The following SPATS2 variants were observed in gnomAD, a reference collection of about 807,000 sequenced individuals.
SPATS2 encodes spermatogenesis associated serine rich 2.
SPATS2 carries 38 observed loss-of-function variants against 63.7 expected under a neutral mutation model. The ratio of observed to expected loss-of-function variants is 0.60; its 90% confidence interval spans 0.46 to 0.78. The LOEUF is 0.78. Ranked by LOEUF, SPATS2 falls within the 30% of genes least tolerant of loss-of-function variation. The pLI, the probability that SPATS2 is intolerant of heterozygous loss-of-function variation, is 0.00. For missense variants in SPATS2, 588 were observed against 666.2 expected, an observed-to-expected ratio of 0.88 and a Z score of 1.29; for synonymous variants, 207 against 232.9, an observed-to-expected ratio of 0.89 and a Z score of 1.01.
intron 2 of SPATS2, among the ~76,000 whole-genome samples, chr12:49,420,539 A>C (rs932610511): frequency 3.3e-5 from 5 of 152,322 alleles, no homozygotes; most frequent in Admixed American, 6.5e-5. Context: ...GGTTGCAGTG[A>C]GCCACTGCAC....
At chr12:49,440,830 C>G (rs1486293632) in intron 2 of SPATS2, among the ~76,000 whole-genome samples, 1 of 152,056 alleles carries the variant, frequency 6.6e-6, no homozygotes, top group African/African-American at 2.4e-5. Flanking sequence ...TTGGTGTTTC[C>G]TTATGATTAG....
At chr12:49,498,732 C>T (rs568553759) in intron 8 of SPATS2, among the ~76,000 whole-genome samples, 2 of 147,896 alleles carry the variant, frequency 1.4e-5, no homozygotes, top group East Asian at 3.9e-4. Flanking sequence ...AAGATATCTT[C>T]CATATCTCTT....
Position 49,484,180 on chromosome 12 carries a change from A to C in SPATS2, c.26-410A>C, listed in dbSNP as rs377520695. Among the ~76,000 whole-genome samples the C allele has an allele frequency of 4.7e-4, 72 of 152,338 alleles. No homozygotes were observed. In the South Asian group the frequency reaches 0.012, roughly 26 times the overall value. On this transcript the variant is annotated intron_variant, in intron 3 of 13. Coordinates refer to ENST00000552918, the MANE Select transcript of SPATS2 (RefSeq NM_023071.4). ...CATAACATGTATGGTTCTGGCTAGA[A>C]GAGGAAATAACTGTGTGTTGTTAAT...
chr12:49,378,175 G>A (rs921075515), intron 2 of SPATS2, among the ~76,000 whole-genome samples: 3 of 152,056 alleles, frequency 2.0e-5, no homozygotes, highest in Non-Finnish European at 4.4e-5. Flanking sequence ...GTTTCACCAT[G>A]TTGGCCAGGC....
Position 49,500,212 on chromosome 12 carries a change from T to G in SPATS2, c.839+7T>G. ...TTGCTGAATTGGAGAGCTGGTAATTTAAGCTGCATTTGATATCAGTAGCAT... is the reference window on the plus strand; with the variant it reads ...TTGCTGAATTGGAGAGCTGGTAATTGAAGCTGCATTTGATATCAGTAGCAT... On this transcript the variant is annotated splice_region_variant and intron_variant, in intron 9 of 13. Transcript: ENST00000552918. The G allele has an allele frequency of 6.3e-7, 1 of 1,589,384 alleles. No individual in the cohort carries two copies. Among genetic ancestry groups the G allele is most frequent in the Non-Finnish European group, 8.5e-7 (1 of 1,173,562 alleles).
intron 11 of SPATS2, among the ~76,000 whole-genome samples, chr12:49,522,077 T>C (rs1234850978): frequency 6.6e-6 from 1 of 151,954 alleles, no homozygotes; most frequent in African/African-American, 2.4e-5. Flanking sequence ...TTTAATGAAA[T>C]AGACCCCCAG....
intron 11 of SPATS2, among the ~76,000 whole-genome samples, chr12:49,522,096 T>C (rs531079357): frequency 2.0e-4 from 30 of 152,334 alleles, no homozygotes; most frequent in Admixed American, 5.9e-4. Context: ...AGAAGCACTT[T>C]ATTCCTGACA....
In SPATS2 at chr12:49,420,067, A is replaced by G. The variant is rs114007053; in HGVS notation, c.-243-40703A>G. 3.1e-3 allele frequency among the ~76,000 whole-genome samples: 476 copies of G among 152,328 alleles called. 4 individuals carry two copies. The highest frequency in any genetic ancestry group is 0.011 in the African/African-American group (459 of 41,570). ...TTGTGGGCTCTTTGATGAATGACCA[A>G]CTTCAACAATGGCTATGCTTCTTAG... is the stretch of plus-strand genomic sequence containing the variant. On this transcript the variant is annotated intron_variant, in intron 2 of 13. Coordinates refer to ENST00000552918, the MANE Select transcript of SPATS2 (RefSeq NM_023071.4).
intron 2 of SPATS2, among the ~76,000 whole-genome samples, chr12:49,435,932 C>T (rs1266934417): frequency 6.6e-6 from 1 of 150,418 alleles, no homozygotes; most frequent in African/African-American, 2.5e-5. Flanking sequence ...GGACACAGCA[C>T]ATGTTTCAGA....
At chr12:49,519,340 CA>C (rs1946900206) in intron 11 of SPATS2, among the ~76,000 whole-genome samples, 158 bp downstream of exon 11, 1 of 152,262 alleles carries the variant, frequency 6.6e-6, no homozygotes, top group Admixed American at 6.5e-5. Context: ...GTGGTATTAT[CA>C]TCTACCCAGT....
At chr12:49,378,498 C>G (rs1056709717) in intron 2 of SPATS2, among the ~76,000 whole-genome samples, 2 of 151,736 alleles carry the variant, frequency 1.3e-5, no homozygotes, top group African/African-American at 4.8e-5. Flanking sequence ...CGGGTTTCAC[C>G]GTTTTAGTCA....
chr12:49,392,453 T>C (rs1391795027), intron 2 of SPATS2, among the ~76,000 whole-genome samples: 2 of 152,226 alleles, frequency 1.3e-5, no homozygotes, highest in Non-Finnish European at 2.9e-5. Context: ...GGTTGGTGGC[T>C]CACACCTGTA....
chr12:49,392,471 C>T (rs892922206), intron 2 of SPATS2, among the ~76,000 whole-genome samples: 3 of 152,148 alleles, frequency 2.0e-5, no homozygotes, highest in African/African-American at 7.2e-5. Flanking sequence ...GTAGTCCCAG[C>T]AGTTTGGGAG....
chr12:49,378,971 G>T (rs1450114312), intron 2 of SPATS2, among the ~76,000 whole-genome samples: 1 of 151,542 alleles, frequency 6.6e-6, no homozygotes, highest in Non-Finnish European at 1.5e-5. Context: ...AGGCTGGATC[G>T]CAGTGGTGCG....
intron 2 of SPATS2, chr12:49,390,110 G>C (rs1374041477): frequency 2.0e-6 from 3 of 1,498,296 alleles, no homozygotes; most frequent in Non-Finnish European, 2.8e-6. Context: ...GTGTCGGAAA[G>C]TACTTCTTTG....
chr12:49,372,941 TG>T (rs1212357418), intron 2 of SPATS2, among the ~76,000 whole-genome samples: 89 of 7,364 alleles, frequency 0.012, no homozygotes, highest in South Asian at 0.07. Context: ...TTTTCTGTTT[TG>T]TGTGTGTGTG....
At chr12:49,519,046 A>G (rs1013562802) in intron 10 of SPATS2, 27 bp from the exon 11 acceptor site, 2 of 1,571,918 alleles carry the variant, frequency 1.3e-6, no homozygotes, top group Admixed American at 3.4e-5. Flanking sequence ...CAGCAACATA[A>G]GGTTCACACT....
intron 2 of SPATS2, among the ~76,000 whole-genome samples, chr12:49,435,258 C>G (rs538024516): frequency 6.6e-6 from 1 of 151,814 alleles, no homozygotes; most frequent in Admixed American, 6.6e-5. Flanking sequence ...TCTCGATCTC[C>G]TGACCTCATG....
At chr12:49,476,703 G>T (rs1040877002) in intron 3 of SPATS2, among the ~76,000 whole-genome samples, 2 of 152,192 alleles carry the variant, frequency 1.3e-5, no homozygotes, top group African/African-American at 4.8e-5. Flanking sequence ...AGGGGGACAA[G>T]GGAACTTTTC....
Sources: allele counts gnomAD v4.1 joint callset (sites outside exome capture counted in the v4.1 genomes callset), GRCh38; gene constraint gnomAD v4.1.1; transcripts MANE v1.5; gene names NCBI Gene and HGNC (gene_info 2026-07-23, HGNC 2026-07-21).